TXNL4B: variants seen among roughly 807,000 people sequenced by gnomAD.
The protein encoded by TXNL4B is thioredoxin-like protein 4B.
TXNL4B carries 12 observed loss-of-function variants against 13.0 expected under a neutral mutation model. The ratio of observed to expected loss-of-function variants is 0.92; its 90% CI spans 0.59 to 1.49. TXNL4B has a LOEUF of 1.49. Ranked by LOEUF, TXNL4B falls within the 40% of genes most tolerant of loss-of-function variation. The probability of loss-of-function intolerance (pLI) is 0.00; values close to 1 mark genes in which losing one functional copy is unlikely to be tolerated. For missense variants in TXNL4B, 214 were observed against 173.6 expected (o/e 1.23, Z -1.31); for synonymous variants, 59 against 58.9 (o/e 1.00, Z -0.01).
intron 3 of TXNL4B, among the ~76,000 whole-genome samples, chr16:72,088,329 C>A (rs2041853578): frequency 6.6e-6 from 1 of 152,218 alleles, no homozygotes. Context: ...GTACACAGAT[C>A]TAGATAAGTG....
rs891139453 is a variant in TXNL4B at position 72,085,007 on chromosome 16, A to G, written c.*1630T>C. The G allele has an allele frequency of 7.5e-6, 3 of 398,534 alleles. No individual in the cohort carries two copies. The highest frequency in any genetic ancestry group is 4.4e-5 in the Admixed American group (1 of 22,714). 24.7% of individuals were successfully genotyped at this position (398,534 alleles called of 1,614,324 possible). The stretch of plus-strand genomic sequence containing the variant: ...GTGATGCTGGGCACCTCGGGGACCT[A>G]AGATGGCTGTTGTAGCTCCATGCAT... On this transcript the variant is annotated 3_prime_UTR_variant, in exon 4 of 4. Coordinates refer to ENST00000268483, the MANE Select transcript of TXNL4B (RefSeq NM_017853.3).
chr16:72,091,411 C>G (rs1183105076), intron 1 of TXNL4B, among the ~76,000 whole-genome samples: 1 of 152,200 alleles, frequency 6.6e-6, no homozygotes, highest in African/African-American at 2.4e-5. Context: ...CCGGCTGACT[C>G]CAACTGGAAC....
Position 72,084,971 on chromosome 16 carries a change from C to T in TXNL4B, c.*1666G>A, listed in dbSNP as rs550309096. 6 of 398,568 alleles carry T rather than the reference C, an allele frequency of 1.5e-5. No homozygotes were observed. The highest frequency in any genetic ancestry group is 4.4e-5 in the Admixed American group (1 of 22,720). The allele number at this position is 398,568 out of a possible 1,614,324, so 24.7% of individuals were successfully genotyped here. On this transcript the variant is annotated 3_prime_UTR_variant, in exon 4 of 4. Coordinates refer to ENST00000268483, the MANE Select transcript of TXNL4B (RefSeq NM_017853.3). The stretch of plus-strand genomic sequence containing the variant: ...GCTCTTTTTGTTCTTCTTAGCATAT[C>T]GATGTTTTACGTGATGCTGGGCACC...
chr16:72,085,645 C>G lies in TXNL4B; in HGVS notation c.*992G>C, dbSNP rs906082180. 10 of 152,118 alleles carry G rather than the reference C, an allele frequency of 6.6e-5. No individual in the cohort carries two copies. The highest frequency in any genetic ancestry group is 6.5e-4 in the Admixed American group (10 of 15,270). The allele number at this position is 152,118 out of a possible 1,614,324, so 9.4% of individuals were successfully genotyped here. A position where few individuals can be genotyped will look rare whatever the true frequency, so the allele number is the denominator to read the frequency against. ...TAAGGTGGCTCATTCATTGTTTTAC[C>G]TGAATAGAGTGGTGGATGGTGAAGG... On this transcript the variant is annotated 3_prime_UTR_variant, in exon 4 of 4. Coordinates refer to ENST00000268483, the MANE Select transcript of TXNL4B (RefSeq NM_017853.3).
At chr16:72,086,824 C>A (rs367728363) in intron 3 of TXNL4B, 22 bp from the exon 4 acceptor site, 3 of 1,526,130 alleles carry the variant, frequency 2.0e-6, no homozygotes, top group African/African-American at 1.4e-5. Flanking sequence ...AGAAGAGAAA[C>A]AACTGCTCTA....
intron 3 of TXNL4B, 86 bp from the exon 4 acceptor site, chr16:72,086,888 C>T (rs747531934): frequency 4.7e-6 from 5 of 1,068,552 alleles, no homozygotes; most frequent in Non-Finnish European, 5.3e-6. Flanking sequence ...AAATGAAAAA[C>T]AGCTTTGTTA....
Position 72,086,568 on chromosome 16 carries a change from C to G in TXNL4B, c.*69G>C. On this transcript the variant is annotated 3_prime_UTR_variant, in exon 4 of 4. Transcript: ENST00000268483. The stretch of plus-strand genomic sequence containing the variant: ...ATGTTTCCAAAGGACTCCAGAAACA[C>G]AGCACAGCTGGATTCAGGTACTGTG... The G allele has an allele frequency of 1.4e-6, 2 of 1,454,674 alleles. No individual in the cohort carries two copies. Among genetic ancestry groups the G allele is most frequent in the African/African-American group, 1.4e-5 (1 of 71,456 alleles). The allele number at this position is 1,454,674 out of a possible 1,614,324, so 90.1% of individuals were successfully genotyped here. A position where few individuals can be genotyped will look rare whatever the true frequency, so the allele number is the denominator to read the frequency against.
intron 1 of TXNL4B, among the ~76,000 whole-genome samples, chr16:72,092,326 T>C (rs2041921109): frequency 6.6e-6 from 1 of 152,054 alleles, no homozygotes; most frequent in South Asian, 2.1e-4. Flanking sequence ...GGCAGGAGAA[T>C]TGCTTGAACC....
rs2041826078 is a variant in TXNL4B at position 72,086,591 on chromosome 16, G to A, written c.*46C>T. The A allele has an allele frequency of 1.3e-6, 2 of 1,550,676 alleles. No homozygotes were observed. Among genetic ancestry groups the A allele is most frequent in the South Asian group, 1.1e-5 (1 of 88,242 alleles). The stretch of plus-strand genomic sequence containing the variant: ...CACAGCACAGCTGGATTCAGGTACT[G>A]TGTCAAGATGTGCCTTCTTCTTCAT... On this transcript the variant is annotated 3_prime_UTR_variant, in exon 4 of 4. Coordinates refer to ENST00000268483, the MANE Select transcript of TXNL4B (RefSeq NM_017853.3).
At chr16:72,086,835 A>G in intron 3 of TXNL4B, 33 bp from the exon 4 acceptor site, 2 of 1,464,766 alleles carry the variant, frequency 1.4e-6, no homozygotes, top group Non-Finnish European at 1.8e-6. Context: ...AACTGCTCTA[A>G]GAACTTTGAG....
rs370827867 is a variant in TXNL4B, at chr16:72,086,845, G to T, written c.285-43C>A. On this transcript the variant is annotated intron_variant, in intron 3 of 3. Transcript: ENST00000268483. ...GAAACAACTGCTCTAAGAACTTTGAGTAATCACTTGTTGAAGACTTTCAGG... is the reference window on the plus strand; with the variant it reads ...GAAACAACTGCTCTAAGAACTTTGATTAATCACTTGTTGAAGACTTTCAGG... 3.2e-5 allele frequency: 46 copies of T among 1,430,650 alleles called. No individual in the cohort carries two copies. In the African/African-American group the frequency reaches 6.4e-4, roughly 20 times the overall value. 88.6% of individuals were successfully genotyped at this position (1,430,650 alleles called of 1,614,324 possible). A position where few individuals can be genotyped will look rare whatever the true frequency, so the allele number is the denominator to read the frequency against.
intron 1 of TXNL4B, among the ~76,000 whole-genome samples, chr16:72,091,285 A>G (rs1201504200): frequency 6.6e-6 from 1 of 152,196 alleles, no homozygotes; most frequent in Admixed American, 6.5e-5. Flanking sequence ...GGAAGCAGTT[A>G]TAAGAATTGT....
chr16:72,084,987 G>A lies in TXNL4B; in HGVS notation c.*1650C>T. 1 of 398,630 alleles carries A rather than the reference G, an allele frequency of 2.5e-6. No homozygotes were observed. The allele number at this position is 398,630 out of a possible 1,614,324, so 24.7% of individuals were successfully genotyped here. A position where few individuals can be genotyped will look rare whatever the true frequency, so the allele number is the denominator to read the frequency against. ...TTAGCATATCGATGTTTTACGTGAT[G>A]CTGGGCACCTCGGGGACCTAAGATG... is the stretch of plus-strand genomic sequence containing the variant. On this transcript the variant is annotated 3_prime_UTR_variant, in exon 4 of 4. Coordinates refer to ENST00000268483, the MANE Select transcript of TXNL4B (RefSeq NM_017853.3).
rs1391416858 is a variant in TXNL4B, at chr16:72,085,349, T to C, written c.*1288A>G. The stretch of plus-strand genomic sequence containing the variant: ...GGCAGGTCACAAGCTGCCTCACCCA[T>C]GGCTCTCCAGCTCTGCACCTACCCT... On this transcript the variant is annotated 3_prime_UTR_variant, in exon 4 of 4. Coordinates refer to ENST00000268483, the MANE Select transcript of TXNL4B (RefSeq NM_017853.3). 4.1e-6 allele frequency: 1 copy of C among 244,584 alleles called. No individual in the cohort carries two copies. The highest frequency in any genetic ancestry group is 7.7e-6 in the Non-Finnish European group (1 of 129,178). The allele number at this position is 244,584 out of a possible 1,614,324, so 15.2% of individuals were successfully genotyped here. A position where few individuals can be genotyped will look rare whatever the true frequency, so the allele number is the denominator to read the frequency against.
Position 72,087,495 on chromosome 16 carries a change from T to C in TXNL4B, c.285-693A>G, listed in dbSNP as rs2041841045. 1.3e-5 allele frequency: 2 copies of C among 152,220 alleles called. 1 individual carries two copies. Among genetic ancestry groups the C allele is most frequent in the Non-Finnish European group, 2.9e-5 (2 of 68,026 alleles). The allele number at this position is 152,220 out of a possible 1,614,324, so 9.4% of individuals were successfully genotyped here. A position where few individuals can be genotyped will look rare whatever the true frequency, so the allele number is the denominator to read the frequency against. On this transcript the variant is annotated intron_variant, in intron 3 of 3. Transcript: ENST00000268483. ...TGTTAAATGTGCATCTGCAACATCA[T>C]ATTAAAGTCCTGGAAGTGTAATTAC...
At chr16:72,092,691 T>C (rs1221734908) in intron 1 of TXNL4B, among the ~76,000 whole-genome samples, 1 of 152,156 alleles carries the variant, frequency 6.6e-6, no homozygotes, top group Non-Finnish European at 1.5e-5. Flanking sequence ...GGGGTGCAAC[T>C]GGACAAACGT....
intron 3 of TXNL4B, among the ~76,000 whole-genome samples, chr16:72,088,316 A>T (rs2041853325): frequency 6.6e-6 from 1 of 152,276 alleles, no homozygotes; most frequent in African/African-American, 2.4e-5. Context: ...AAAGACAAAA[A>T]GGGTACACAG....
At chr16:72,088,901 C>G in intron 3 of TXNL4B, 86 bp downstream of exon 3, 1 of 1,051,410 alleles carries the variant, frequency 9.5e-7, no homozygotes, top group Non-Finnish European at 1.4e-6. Context: ...ACAGAGCCAA[C>G]ATCACATGGA....
chr16:72,087,921 G>T (rs2144099572), intron 3 of TXNL4B, among the ~76,000 whole-genome samples: 1 of 152,262 alleles, frequency 6.6e-6, no homozygotes, highest in African/African-American at 2.4e-5. Context: ...CTGGGTTCAT[G>T]CCATTTTTCT....
Sources: gnomAD v4.1 joint callset for allele counts (sites outside exome capture counted in the v4.1 genomes callset) on GRCh38, gnomAD v4.1.1 for gene constraint, MANE v1.5 for transcripts, NCBI Gene and HGNC (gene_info 2026-07-23, HGNC 2026-07-21) for gene names.